The following JSRP1 variants were observed in gnomAD, a reference collection of about 807,000 sequenced individuals.
The protein encoded by JSRP1 is junctional sarcoplasmic reticulum protein 1, also known as 2310032K21Rik.
In JSRP1, 29 loss-of-function variants were observed where a neutral mutation model predicts 21.4. The ratio of observed to expected loss-of-function variants is 1.36; its 90% confidence interval spans 1.01 to 1.85. JSRP1 has a LOEUF of 1.85. JSRP1 is among the 40% of genes most tolerant of loss of function. The pLI, the probability that JSRP1 is intolerant of heterozygous loss-of-function variation, is 0.00. For missense variants in JSRP1, 531 were observed against 461.5 expected (o/e 1.15, Z -1.38); for synonymous variants, 221 against 206.1 (o/e 1.07, Z -0.62).
chr19:2,255,974 G>C (rs2025140646), intron 1 of JSRP1, among the ~76,000 whole-genome samples: 1 of 152,212 alleles, frequency 6.6e-6, no homozygotes, highest in Non-Finnish European at 1.5e-5. Context: ...CTGACACAGA[G>C]TACCCTGCCT....
chr19:2,252,386 G>A lies in JSRP1; in HGVS notation c.939C>T (p.Asp313=), dbSNP rs756632889. Residue 313 remains aspartate (D), a synonymous_variant, in exon 7 of 7, where the codon GAC becomes GAT. Coordinates refer to ENST00000300961, the MANE Select transcript of JSRP1 (RefSeq NM_144616.4). ...KQAWVSPRRP[D]EEQRPGSRQK... The stretch of plus-strand genomic sequence containing the variant: ...GGCGACTCCCAGGCCGCTGCTCCTC[G>A]TCGGGACGCCTCGGGGACACCCAGG... The A allele has an allele frequency of 1.1e-5, 18 of 1,590,562 alleles. No individual in the cohort carries two copies. Among genetic ancestry groups the A allele is most frequent in the Non-Finnish European group, 1.5e-5 (18 of 1,170,828 alleles).
In JSRP1 at chr19:2,254,208, C is replaced by G; in HGVS notation, c.241G>C (p.Glu81Gln). The G allele has an allele frequency of 6.2e-7, 1 of 1,606,010 alleles. No individual in the cohort carries two copies. Among genetic ancestry groups the G allele is most frequent in the Non-Finnish European group, 8.5e-7 (1 of 1,176,228 alleles). ...CCACTCGCTCCGGCTTTCAGCCTCTCCTTCCCCGTTCCTGGGGTCCCCCTG... is the reference window on the plus strand; with the variant it reads ...CCACTCGCTCCGGCTTTCAGCCTCTGCTTCCCCGTTCCTGGGGTCCCCCTG... ...AARGTPGTGK[E>Q]RLKAGASPRS... is the part of the protein sequence containing the mutation. Residue 81 changes from glutamate to glutamine, a missense_variant, in exon 4 of 7, where the codon GAG (glutamate) becomes CAG (glutamine). Physicochemically the swap from Glu to Gln is conservative, Grantham distance 29 (BLOSUM62 2). Transcript: ENST00000300961.
chr19:2,253,202 G>C lies in JSRP1; in HGVS notation c.437-199C>G, dbSNP rs373410458. Among the ~76,000 whole-genome samples, 87 of 152,300 alleles carry C rather than the reference G, an allele frequency of 5.7e-4. 1 individual carries two copies. The East Asian group carries it at 0.013, about 23-fold the overall frequency. ...CCGCGGCGCCCCTTCTCCGAACCTC[G>C]CTCTTTCAATTGGTCATTCTTCCCC... is the stretch of plus-strand genomic sequence containing the variant. On this transcript the variant is annotated intron_variant, in intron 5 of 6. Transcript: ENST00000300961.
rs369790011 is a variant in JSRP1 at position 2,254,502 on chromosome 19, G to A, written c.110-20C>T. ...GTGTCGCTGTGGGAACACAGGCAGA[G>A]TCAAGGTTGTGGGGACCCCCAGGCC... On this transcript the variant is annotated intron_variant, in intron 2 of 6. Coordinates refer to ENST00000300961, the MANE Select transcript of JSRP1 (RefSeq NM_144616.4). The A allele has an allele frequency of 2.7e-5, 44 of 1,612,330 alleles. No individual in the cohort carries two copies. The African/African-American group carries it at 4.8e-4, about 18-fold the overall frequency.
In JSRP1 at chr19:2,252,752, G is replaced by A; in HGVS notation, c.573C>T (p.Pro191=). The change falls in exon 7 of 7, where the codon CCC becomes CCT. Residue 191 remains proline (P), a synonymous_variant. Coordinates refer to ENST00000300961, the MANE Select transcript of JSRP1 (RefSeq NM_144616.4). ...AQAPPSAPPA[P]RAEAEVRPKI... ...TGGGTCTGACCTCTGCCTCGGCCCG[G>A]GGCGCAGGCGGCGCTGATGGAGGCG... is the stretch of plus-strand genomic sequence containing the variant. 1 of 1,612,486 alleles carries A rather than the reference G, an allele frequency of 6.2e-7. No homozygotes were observed. Among genetic ancestry groups the A allele is most frequent in the Non-Finnish European group, 8.5e-7 (1 of 1,179,852 alleles).
At position 2,255,331 on chromosome 19, in the gene JSRP1, G is replaced by A. The variant is rs1408050945; in HGVS notation, c.-17C>T. On this transcript the variant is annotated 5_prime_UTR_variant, in exon 2 of 7. Transcript: ENST00000300961. The stretch of plus-strand genomic sequence containing the variant: ...CATGGACATGGCTGGAGCAGCAGCA[G>A]GTCCCAGGCCAGGCTGGGAGGGGTG... 1.3e-6 allele frequency: 2 copies of A among 1,569,910 alleles called. No homozygotes were observed. Among genetic ancestry groups the A allele is most frequent in the African/African-American group, 2.7e-5 (2 of 73,472 alleles).
At chr19:2,253,075 C>G in intron 5 of JSRP1, 72 bp from the exon 6 acceptor site, 1 of 1,033,732 alleles carries the variant, frequency 9.7e-7, no homozygotes, top group Non-Finnish European at 1.5e-6. Flanking sequence ...CCTCCCTCAC[C>G]CCTAGAGCCC....
Position 2,252,455 on chromosome 19 carries a change from C to G in JSRP1, c.870G>C (p.Pro290=). The change falls in exon 7 of 7, where the codon CCG becomes CCC. Residue 290 remains proline, a synonymous_variant. Coordinates refer to ENST00000300961, the MANE Select transcript of JSRP1 (RefSeq NM_144616.4). ...RWESREGGHR[P]WARDSRDAEP... is the part of the protein sequence containing the mutation. ...CGGCGTCCCTGGAGTCCCGTGCCCA[C>G]GGCCGGTGGCCCCCTTCGCGTGACT... The G allele has an allele frequency of 6.2e-7, 1 of 1,611,394 alleles. No homozygotes were observed. The highest frequency in any genetic ancestry group is 2.2e-5 in the East Asian group (1 of 44,868).
Position 2,253,531 on chromosome 19 carries a change from C to T in JSRP1, c.436+89G>A, listed in dbSNP as rs564116680. On this transcript the variant is annotated intron_variant, in intron 5 of 6. Transcript: ENST00000300961. ...GCCCTGGAGAGGAGGCTCCCAGACCCCACCCTGGCGGCACAGCGCCTTTCC... is the reference window on the plus strand; with the variant it reads ...GCCCTGGAGAGGAGGCTCCCAGACCTCACCCTGGCGGCACAGCGCCTTTCC... 1.5e-5 allele frequency: 20 copies of T among 1,293,788 alleles called. 1 individual carries two copies. In the South Asian group the frequency reaches 3.2e-4, roughly 21 times the overall value. 80.1% of individuals were successfully genotyped at this position (1,293,788 alleles called of 1,614,324 possible). A position where few individuals can be genotyped will look rare whatever the true frequency, so the allele number is the denominator to read the frequency against.
At chr19:2,253,562 G>A (rs1027782587) in intron 5 of JSRP1, 58 bp downstream of exon 5, 8 of 1,369,872 alleles carry the variant, frequency 5.8e-6, no homozygotes, top group Non-Finnish European at 6.6e-6. Context: ...TTTCCTTGGA[G>A]GAATAGGCGC....
chr19:2,253,035 T>C, intron 5 of JSRP1, 32 bp from the exon 6 acceptor site: 3 of 1,499,222 alleles, frequency 2.0e-6, no homozygotes, highest in South Asian at 1.2e-5. Flanking sequence ...CCGAGTCAGC[T>C]GGGCCGAGGC....
Position 2,252,380 on chromosome 19 carries a change from C to G in JSRP1, c.945G>C (p.Glu315Asp). Residue 315 changes from glutamate (E) to aspartate (D), a missense_variant, in exon 7 of 7, where the codon GAG becomes GAC. Transcript: ENST00000300961. The stretch of plus-strand genomic sequence containing the variant: ...GCTTCTGGCGACTCCCAGGCCGCTG[C>G]TCCTCGTCGGGACGCCTCGGGGACA... ...AWVSPRRPDE[E>D]QRPGSRQKLR... The G allele has an allele frequency of 6.3e-7, 1 of 1,585,058 alleles. No individual in the cohort carries two copies. The highest frequency in any genetic ancestry group is 1.1e-5 in the South Asian group (1 of 88,754).
rs768535496 is a variant in JSRP1 at position 2,252,788 on chromosome 19, G to C, written c.537C>G (p.Phe179Leu). 2 of 1,610,988 alleles carry C rather than the reference G, an allele frequency of 1.2e-6. No individual in the cohort carries two copies. Among genetic ancestry groups the C allele is most frequent in the Non-Finnish European group, 1.7e-6 (2 of 1,179,216 alleles). ...GCGCTGATGGAGGCGCCTGGGCCTC[G>C]AACTTAGGCTGCAAGACAGAGTGGG... ...PREPSSPLPK[F>L]EAQAPPSAPP... The change falls in exon 7 of 7, where the codon TTC (phenylalanine) becomes TTG (leucine). Residue 179 changes from phenylalanine to leucine, a missense_variant. Phe to Leu is a conservative substitution (Grantham distance 22). Coordinates refer to ENST00000300961, the MANE Select transcript of JSRP1 (RefSeq NM_144616.4).
At position 2,253,644 on chromosome 19, in the gene JSRP1, C is replaced by T; in HGVS notation, c.412G>A (p.Gly138Ser). ...CCGCGGCACAGCTGGAAAGCCGAGCCCAGCAGCGCCACCAGCGAGGCGAGC... is the reference window on the plus strand; with the variant it reads ...CCGCGGCACAGCTGGAAAGCCGAGCTCAGCAGCGCCACCAGCGAGGCGAGC... ...LVLASLVALL[G>S]SAFQLCRDAV... The change falls in exon 5 of 7, where the codon GGC becomes AGC. Residue 138 changes from glycine to serine, a missense_variant. Transcript: ENST00000300961. The T allele has an allele frequency of 1.3e-6, 2 of 1,504,300 alleles. No individual in the cohort carries two copies. Among genetic ancestry groups the T allele is most frequent in the Non-Finnish European group, 1.8e-6 (2 of 1,133,478 alleles). 93.2% of individuals were successfully genotyped at this position (1,504,300 alleles called of 1,614,324 possible).
intron 5 of JSRP1, 120 bp downstream of exon 5, chr19:2,253,500 G>C: frequency 9.8e-7 from 1 of 1,023,216 alleles, no homozygotes; most frequent in South Asian, 2.1e-5. Context: ...GGGCGTGCAA[G>C]ACCCAGCCCT....
chr19:2,253,489 G>C (rs2025095140), intron 5 of JSRP1, 131 bp downstream of exon 5: 1 of 895,432 alleles, frequency 1.1e-6, no homozygotes, highest in Non-Finnish European at 1.6e-6. Context: ...ACCAACTTTG[G>C]GGGCGTGCAA....
At chr19:2,254,564 G>A (rs2025120861) in intron 2 of JSRP1, 82 bp from the exon 3 acceptor site, 2 of 1,487,166 alleles carry the variant, frequency 1.3e-6, no homozygotes, top group Non-Finnish European at 9.3e-7. Flanking sequence ...TGGGTGACGT[G>A]CGGGTGACTA....
At chr19:2,253,355 AG>A (rs2025093090) in intron 5 of JSRP1, among the ~76,000 whole-genome samples, 1 of 152,126 alleles carries the variant, frequency 6.6e-6, no homozygotes, top group Non-Finnish European at 1.5e-5. Context: ...ACGAGGCAGG[AG>A]GGGTTGCACA....
At position 2,252,771 on chromosome 19, in the gene JSRP1, G is replaced by A; in HGVS notation, c.554C>T (p.Pro185Leu). ...PLPKFEAQAP[P>L]SAPPAPRAEA... ...GGCCCGGGGCGCAGGCGGCGCTGATGGAGGCGCCTGGGCCTCGAACTTAGG... is the reference window on the plus strand; with the variant it reads ...GGCCCGGGGCGCAGGCGGCGCTGATAGAGGCGCCTGGGCCTCGAACTTAGG... Residue 185 changes from proline (P) to leucine (L), a missense_variant, in exon 7 of 7, where the codon CCA becomes CTA. Pro to Leu is a moderately conservative substitution (Grantham distance 98). Transcript: ENST00000300961. 1 of 1,612,072 alleles carries A rather than the reference G, an allele frequency of 6.2e-7. No individual in the cohort carries two copies. The highest frequency in any genetic ancestry group is 1.7e-5 in the Admixed American group (1 of 59,888).
Sources: gnomAD v4.1 joint callset for allele counts (sites outside exome capture counted in the v4.1 genomes callset) on GRCh38, gnomAD v4.1.1 for gene constraint, MANE v1.5 for transcripts, NCBI Gene and HGNC (gene_info 2026-07-23, HGNC 2026-07-21) for gene names.